CFAP69: variants seen among roughly 807,000 people sequenced by gnomAD.
The protein encoded by CFAP69 is cilia- and flagella-associated protein 69.
Under a neutral mutation model 123.0 loss-of-function variants are expected in CFAP69, and 92 were observed. The observed-to-expected ratio is 0.75, with a 90% CI of 0.63 to 0.89. The LOEUF (loss-of-function observed/expected upper bound fraction) is 0.89, where lower values mean the gene tolerates loss of function less well. Ranked by LOEUF, CFAP69 falls within the 40% of genes least tolerant of loss-of-function variation. The pLI is 0.00. For synonymous variants in CFAP69, 380 were observed against 364.3 expected, an observed-to-expected ratio of 1.04 and a Z score of -0.49; for missense variants, 1,067 against 1,096.9, an observed-to-expected ratio of 0.97 and a Z score of 0.39.
At chr7:90,312,972 T>C (rs1163729186), downstream of CFAP69, among the ~76,000 whole-genome samples, 2 of 152,220 alleles carry the variant, frequency 1.3e-5, no homozygotes, top group African/African-American at 4.8e-5. Context: ...ATGGTTAAAC[T>C]AATTGTCAGA....
chr7:90,292,643 G>A (rs780731748), intron 15 of CFAP69, among the ~76,000 whole-genome samples: 8 of 152,238 alleles, frequency 5.3e-5, no homozygotes, highest in Middle Eastern at 3.4e-3. Context: ...TTGTTCACAC[G>A]AGCATACTTT....
At chr7:90,275,589 C>CGTTTT (rs1562875616) in intron 9 of CFAP69, among the ~76,000 whole-genome samples, 2 of 91,496 alleles carry the variant, frequency 2.2e-5, no homozygotes, top group African/African-American at 8.3e-5. Flanking sequence ...AGGCCAAAAG[C>CGTTTT]CTTTTTTTTT....
chr7:90,298,763 A>G (rs1417290355), intron 16 of CFAP69, among the ~76,000 whole-genome samples: 1 of 152,172 alleles, frequency 6.6e-6, no homozygotes, highest in Non-Finnish European at 1.5e-5. Context: ...TAGATTAAAT[A>G]TAGTGCCTAA....
At chr7:90,296,289 A>C (rs772526695) in intron 15 of CFAP69, among the ~76,000 whole-genome samples, 1 of 152,016 alleles carries the variant, frequency 6.6e-6, no homozygotes, top group Non-Finnish European at 1.5e-5. Context: ...AGCCCAATAT[A>C]ATTGACCAAG....
intron 15 of CFAP69, among the ~76,000 whole-genome samples, chr7:90,297,341 T>C (rs1414550518): frequency 6.6e-6 from 1 of 152,222 alleles, no homozygotes; most frequent in Non-Finnish European, 1.5e-5. Flanking sequence ...TACTTTGGAA[T>C]GCCTTGGCTG....
Position 90,310,124 on chromosome 7 carries a change from A to T in CFAP69, c.2712A>T (p.Gly904=). Residue 904 remains glycine (G), a synonymous_variant, in exon 23 of 23, where the codon GGA becomes GGT. Coordinates refer to ENST00000389297, the MANE Select transcript of CFAP69 (RefSeq NM_001039706.3). ...VESTPARLVG[G]PLVDTDIALK... ...GCACTCCTGCCCGATTAGTAGGAGG[A>T]CCTCTGGTTGATACGGATATTGCTC... The T allele has an allele frequency of 6.2e-7, 1 of 1,613,844 alleles. No homozygotes were observed. Among genetic ancestry groups the T allele is most frequent in the South Asian group, 1.1e-5 (1 of 91,060 alleles).
intron 1 of CFAP69, among the ~76,000 whole-genome samples, chr7:90,247,795 A>G (rs912733217): frequency 1.3e-5 from 2 of 152,232 alleles, no homozygotes; most frequent in East Asian, 1.9e-4. Context: ...AAGTGAGCCA[A>G]GATTGTGCCA....
chr7:90,268,199 C>A, intron 5 of CFAP69, 87 bp from the exon 6 acceptor site: 1 of 753,654 alleles, frequency 1.3e-6, no homozygotes, highest in Non-Finnish European at 2.1e-6. Context: ...TTTTAATAAT[C>A]ATCATATTAT....
intron 8 of CFAP69, among the ~76,000 whole-genome samples, chr7:90,273,567 A>G (rs1800274166): frequency 6.6e-6 from 1 of 152,150 alleles, no homozygotes; most frequent in South Asian, 2.1e-4. Flanking sequence ...ATAAAAAGGG[A>G]GATTTTGTTG....
In CFAP69 at chr7:90,304,089, C is replaced by T; in HGVS notation, c.2171C>T (p.Ala724Val). The T allele has an allele frequency of 6.5e-7, 1 of 1,549,604 alleles. No individual in the cohort carries two copies. Among genetic ancestry groups the T allele is most frequent in the Non-Finnish European group, 8.7e-7 (1 of 1,145,892 alleles). ...VSENIRAKIY[A>V]ILGKLDFENL... The stretch of plus-strand genomic sequence containing the variant: ...GAGAATATTAGAGCAAAAATTTATG[C>T]TATATTGGGCAAACTAGGTAAGAAG... The change falls in exon 18 of 23, where the codon GCT (alanine) becomes GTT (valine). Residue 724 changes from alanine (A) to valine (V), a missense_variant. By Grantham distance (64) the Ala-to-Val change is moderately conservative (BLOSUM62 0). Coordinates refer to ENST00000389297, the MANE Select transcript of CFAP69 (RefSeq NM_001039706.3).
At chr7:90,318,981 C>T in the CFAP69 span, 2 of 157,122 alleles carry the variant, frequency 1.3e-5, no homozygotes, top group African/African-American at 4.8e-5. Context: ...TTTTATACAA[C>T]CCTATTGAAA....
At chr7:90,286,203 A>G (rs1043878292) in intron 13 of CFAP69, 78 bp from the exon 14 acceptor site, 2 of 1,241,860 alleles carry the variant, frequency 1.6e-6, no homozygotes, top group African/African-American at 1.5e-5. Context: ...ACTTTTTAGA[A>G]GAGATTTCCA....
Position 90,307,848 on chromosome 7 carries a change from G to T in CFAP69, c.2544G>T (p.Thr848=), listed in dbSNP as rs754102266. The T allele has an allele frequency of 1.9e-6, 3 of 1,602,776 alleles. No individual in the cohort carries two copies. The highest frequency in any genetic ancestry group is 2.6e-6 in the Non-Finnish European group (3 of 1,171,742). Residue 848 remains threonine, a synonymous_variant, in exon 21 of 23, where the codon ACG becomes ACT. Coordinates refer to ENST00000389297, the MANE Select transcript of CFAP69 (RefSeq NM_001039706.3). The part of the protein sequence containing the change: ...DFLARTSNAK[T]LKKAKSLQEK... ...TGGCTAGAACATCAAACGCTAAAAC[G>T]TTAAAGGTAGGATTTTTAATGTATT...
At chr7:90,314,939 G>T (rs1311135451), downstream of CFAP69, among the ~76,000 whole-genome samples, 1 of 149,444 alleles carries the variant, frequency 6.7e-6, no homozygotes, top group Non-Finnish European at 1.5e-5. Flanking sequence ...TAAAAAGTGG[G>T]CAAAGGACAT....
chr7:90,279,993 A>G, intron 12 of CFAP69, 100 bp downstream of exon 12: 1 of 884,898 alleles, frequency 1.1e-6, no homozygotes, highest in Non-Finnish European at 1.6e-6. Context: ...AATTAAAGCA[A>G]TGAGAAGTAA....
chr7:90,247,106 T>C (rs1477508827), intron 1 of CFAP69, among the ~76,000 whole-genome samples: 2 of 152,168 alleles, frequency 1.3e-5, no homozygotes, highest in East Asian at 3.8e-4. Context: ...CCCAAAGAAA[T>C]AGAATAGGAA....
At chr7:90,300,679 T>C (rs568394119) in intron 17 of CFAP69, 1 of 238,172 alleles carries the variant, frequency 4.2e-6, no homozygotes, top group Non-Finnish European at 6.8e-6. Flanking sequence ...AGACAGGGTT[T>C]CACTCAGGTC....
At chr7:90,306,114 T>TGGG (rs5885721) in intron 19 of CFAP69, among the ~76,000 whole-genome samples, 18 of 111,552 alleles carry the variant, frequency 1.6e-4, no homozygotes, top group African/African-American at 5.1e-4. Flanking sequence ...AGCTTTTTAT[T>TGGG]GGGGGGGGGC....
rs755039017 is a variant in CFAP69, at chr7:90,297,834, A to G, written c.1857+4A>G. Reference sequence around the variant, plus strand: ...TCTCCTTTTGGATTTGTTAGCAGTAAGTATGGCTATAACAATCATAAGACA... The same window carrying G: ...TCTCCTTTTGGATTTGTTAGCAGTAGGTATGGCTATAACAATCATAAGACA... On this transcript the variant is annotated splice_donor_region_variant and intron_variant, in intron 16 of 22. Transcript: ENST00000389297. 8 of 1,557,180 alleles carry G rather than the reference A, an allele frequency of 5.1e-6. No individual in the cohort carries two copies. Among genetic ancestry groups the G allele is most frequent in the Non-Finnish European group, 6.1e-6 (7 of 1,153,976 alleles).
Sources: gnomAD v4.1 joint callset for allele counts (sites outside exome capture counted in the v4.1 genomes callset) on GRCh38, gnomAD v4.1.1 for gene constraint, MANE v1.5 for transcripts, NCBI Gene and HGNC (gene_info 2026-07-23, HGNC 2026-07-21) for gene names.